KIF21A: variants seen among roughly 807,000 people sequenced by gnomAD.
KIF21A encodes the protein kinesin family member 21A.
Under a neutral mutation model 202.9 loss-of-function variants are expected in KIF21A, and 114 were observed. The observed-to-expected ratio is 0.56, with a 90% CI of 0.48 to 0.66. KIF21A has a LOEUF of 0.66. KIF21A is among the 30% of genes least tolerant of loss of function. The probability of loss-of-function intolerance (pLI) is 0.00; values close to 1 mark genes in which losing one functional copy is unlikely to be tolerated. For synonymous variants in KIF21A, 667 were observed against 670.8 expected, an observed-to-expected ratio of 0.99 and a Z score of 0.09; for missense variants, 1,677 against 1,994.9, an observed-to-expected ratio of 0.84 and a Z score of 3.04.
At chr12:39,421,127 G>T (rs937367807) in intron 1 of KIF21A, among the ~76,000 whole-genome samples, 1 of 152,180 alleles carries the variant, frequency 6.6e-6, no homozygotes, top group Non-Finnish European at 1.5e-5. Context: ...GTTCAGATCT[G>T]TTTAGATACA....
rs1416103236 is a variant in KIF21A, at chr12:39,305,059, G to A, written c.4443-121C>T. 1.2e-5 allele frequency: 8 copies of A among 644,938 alleles called. No individual in the cohort carries two copies. In the Admixed American group the frequency reaches 1.9e-4, roughly 15 times the overall value. The allele number at this position is 644,938 out of a possible 1,614,324, so 40.0% of individuals were successfully genotyped here. On this transcript the variant is annotated intron_variant, in intron 34 of 37. Transcript: ENST00000361418. ...AATTCACTAACTTTTTTTTTTCTTT[G>A]TATATGTTTAGAGATGGGATCTTGG...
chr12:39,317,997 CAT>C, intron 29 of KIF21A, 74 bp downstream of exon 29: 1 of 1,437,708 alleles, frequency 7.0e-7, no homozygotes, highest in Non-Finnish European at 9.7e-7. Context: ...GAGATGACTA[CAT>C]GTTTTCTACA....
chr12:39,310,719 C>G (rs758165130), intron 32 of KIF21A, among the ~76,000 whole-genome samples: 11 of 152,014 alleles, frequency 7.2e-5, no homozygotes, highest in Non-Finnish European at 1.5e-4. Flanking sequence ...TTGTCAAAGC[C>G]TTCCTTGTTT....
intron 35 of KIF21A, among the ~76,000 whole-genome samples, chr12:39,304,372 A>C (rs2137184835): frequency 6.6e-6 from 1 of 152,290 alleles, no homozygotes. Context: ...TCTAGTCACA[A>C]CTTATTTTAA....
chr12:39,391,320 C>T (rs61937874), intron 1 of KIF21A, among the ~76,000 whole-genome samples: 19,069 of 151,902 alleles, frequency 0.13, 1,336 homozygotes, highest in Non-Finnish European at 0.17. Flanking sequence ...TTTTTTTTCA[C>T]TTCCTGAGTT....
At chr12:39,328,443 T>C (rs1199670073) in intron 24 of KIF21A, among the ~76,000 whole-genome samples, 1 of 152,228 alleles carries the variant, frequency 6.6e-6, no homozygotes, top group Non-Finnish European at 1.5e-5. Context: ...AGTCCATCTG[T>C]GTCTTTTCCC....
intron 16 of KIF21A, 149 bp downstream of exon 16, chr12:39,340,016 A>G (rs752258332): frequency 6.8e-5 from 45 of 662,360 alleles, no homozygotes; most frequent in Non-Finnish European, 1.1e-4. Flanking sequence ...ATTAGAAACA[A>G]CTTCTAATTG....
intron 10 of KIF21A, 43 bp downstream of exon 10, chr12:39,356,789 A>T: frequency 1.1e-6 from 1 of 898,742 alleles, no homozygotes; most frequent in Non-Finnish European, 1.9e-6. Context: ...TGCAAAATCC[A>T]AAACAAACAT....
intron 1 of KIF21A, among the ~76,000 whole-genome samples, chr12:39,406,303 A>C (rs189070653): frequency 6.6e-6 from 1 of 152,210 alleles, no homozygotes; most frequent in East Asian, 1.9e-4. Context: ...TAACTATAAC[A>C]TTGTATTATC....
At chr12:39,390,499 A>G (rs1951270244) in intron 1 of KIF21A, among the ~76,000 whole-genome samples, 1 of 152,028 alleles carries the variant, frequency 6.6e-6, no homozygotes, top group East Asian at 1.9e-4. Flanking sequence ...TATTAAAAAA[A>G]AGAAAAAAAT....
intron 1 of KIF21A, among the ~76,000 whole-genome samples, chr12:39,402,461 G>T (rs1952236733): frequency 6.6e-6 from 1 of 152,210 alleles, no homozygotes; most frequent in Admixed American, 6.5e-5. Flanking sequence ...TACTCAGGAG[G>T]CCGAGGAGGG....
Position 39,332,644 on chromosome 12 carries a change from T to G in KIF21A, c.2803A>C (p.Met935Leu). 1 of 1,613,922 alleles carries G rather than the reference T, an allele frequency of 6.2e-7. No homozygotes were observed. The highest frequency in any genetic ancestry group is 8.5e-7 in the Non-Finnish European group (1 of 1,179,830). Residue 935 changes from methionine (M) to leucine (L), a missense_variant, in exon 20 of 38, where the codon ATG (methionine) becomes CTG (leucine). Transcript: ENST00000361418. Reference protein sequence around the residue: ...LLERRVTDIIMQKMTISNMEA... With the variant: ...LLERRVTDIILQKMTISNMEA... ...ATGTTGGAAATGGTCATCTTCTGCA[T>G]GATGATGTCTGTGACCCTGCGCTCA... is the stretch of plus-strand genomic sequence containing the variant.
chr12:39,368,344 CAT>C (rs556473356), intron 3 of KIF21A, among the ~76,000 whole-genome samples: 53 of 152,252 alleles, frequency 3.5e-4, no homozygotes, highest in African/African-American at 1.1e-3. Flanking sequence ...ACCCTAGAAA[CAT>C]GTGCCAAATG....
intron 6 of KIF21A, among the ~76,000 whole-genome samples, chr12:39,365,790 G>T (rs1459505674): frequency 6.6e-6 from 1 of 152,114 alleles, no homozygotes; most frequent in East Asian, 1.9e-4. Flanking sequence ...TGAGTGAATC[G>T]CATGAGCCCA....
At chr12:39,407,101 T>C (rs760635411) in intron 1 of KIF21A, among the ~76,000 whole-genome samples, 1 of 152,200 alleles carries the variant, frequency 6.6e-6, no homozygotes, top group Non-Finnish European at 1.5e-5. Flanking sequence ...ATTTTGCTCC[T>C]AGAATTATTC....
intron 37 of KIF21A, among the ~76,000 whole-genome samples, chr12:39,296,220 C>G (rs1012540796): frequency 5.9e-5 from 9 of 151,478 alleles, no homozygotes; most frequent in Non-Finnish European, 1.3e-4. Context: ...AGGCGCCCAC[C>G]ACCATGGCTG....
intron 1 of KIF21A, among the ~76,000 whole-genome samples, chr12:39,395,982 C>A (rs1272824959): frequency 2.6e-5 from 4 of 151,854 alleles, no homozygotes; most frequent in Admixed American, 2.6e-4. Flanking sequence ...TTAAAAAATT[C>A]CAGAGGCTAA....
chr12:39,337,499 G>A (rs892789759), intron 16 of KIF21A: 8 of 336,616 alleles, frequency 2.4e-5, no homozygotes, highest in East Asian at 6.9e-5. Flanking sequence ...GACCTTGATC[G>A]AATTACTTTA....
chr12:39,421,878 A>C (rs924009387), intron 1 of KIF21A, among the ~76,000 whole-genome samples: 1 of 147,882 alleles, frequency 6.8e-6, no homozygotes, highest in African/African-American at 2.5e-5. Flanking sequence ...ATAAACATAT[A>C]TATGGCAGAA....
Sources: gnomAD v4.1 joint callset for allele counts (sites outside exome capture counted in the v4.1 genomes callset) on GRCh38, gnomAD v4.1.1 for gene constraint, MANE v1.5 for transcripts, NCBI Gene and HGNC (gene_info 2026-07-23, HGNC 2026-07-21) for gene names.